The following COBLL1 variants were observed in gnomAD, a reference collection of about 807,000 sequenced individuals.
The protein encoded by COBLL1 is cordon-bleu protein-like 1.
COBLL1 carries 50 observed loss-of-function variants against 94.8 expected under a neutral mutation model. The ratio of observed to expected loss-of-function variants is 0.53; its 90% CI spans 0.42 to 0.67. The LOEUF is 0.67. Among genes scored for constraint, COBLL1 ranks in the 30% least tolerant of loss-of-function variants. The pLI, the probability that COBLL1 is intolerant of heterozygous loss-of-function variation, is 0.00. For missense variants in COBLL1, 1,362 were observed against 1,348.7 expected (o/e 1.01, Z -0.15); for synonymous variants, 448 against 473.8 (o/e 0.95, Z 0.71).
intron 2 of COBLL1, among the ~76,000 whole-genome samples, chr2:164,830,354 G>C (rs1212249336): frequency 6.6e-6 from 1 of 152,130 alleles, no homozygotes; most frequent in Admixed American, 6.5e-5. Context: ...CAACAAAAAA[G>C]AATGGATTTG....
At chr2:164,833,275 G>A (rs1454408143) in intron 2 of COBLL1, among the ~76,000 whole-genome samples, 1 of 151,806 alleles carries the variant, frequency 6.6e-6, no homozygotes, top group South Asian at 2.1e-4. Context: ...GATCACTTCA[G>A]CCCAGAAGGC....
At chr2:164,786,252 G>A (rs1688950394) in intron 2 of COBLL1, among the ~76,000 whole-genome samples, 1 of 152,130 alleles carries the variant, frequency 6.6e-6, no homozygotes, top group African/African-American at 2.4e-5. Flanking sequence ...TAAAGTGCAA[G>A]GCACCTTGCT....
intron 3 of COBLL1, among the ~76,000 whole-genome samples, chr2:164,730,333 TA>T (rs111508553): frequency 1.2e-4 from 17 of 143,676 alleles, no homozygotes; most frequent in East Asian, 4.1e-4. Flanking sequence ...CTACAAAAAA[TA>T]AAAAAAAAAA....
At chr2:164,736,563 T>C (rs1686321647) in intron 3 of COBLL1, among the ~76,000 whole-genome samples, 1 of 152,202 alleles carries the variant, frequency 6.6e-6, no homozygotes, top group South Asian at 2.1e-4. Flanking sequence ...TCTGGTTGTT[T>C]ATCTTAGGTG....
chr2:164,769,850 C>T (rs1011100957), intron 2 of COBLL1, among the ~76,000 whole-genome samples: 4 of 152,142 alleles, frequency 2.6e-5, no homozygotes, highest in Non-Finnish European at 5.9e-5. Flanking sequence ...GAAATAAGTA[C>T]AATTCCTGTA....
At chr2:164,830,845 T>G (rs1184827249) in intron 2 of COBLL1, among the ~76,000 whole-genome samples, 1 of 152,158 alleles carries the variant, frequency 6.6e-6, no homozygotes, top group African/African-American at 2.4e-5. Flanking sequence ...AGAGGAAAAA[T>G]GAGTATATTT....
At chr2:164,688,732 A>T (rs1473476239) in intron 13 of COBLL1, among the ~76,000 whole-genome samples, 1 of 152,178 alleles carries the variant, frequency 6.6e-6, no homozygotes, top group South Asian at 2.1e-4. Context: ...AATTAAAAAA[A>T]CTAATTAAAT....
At chr2:164,704,109 A>G (rs190136227) in intron 9 of COBLL1, among the ~76,000 whole-genome samples, 25 of 152,300 alleles carry the variant, frequency 1.6e-4, no homozygotes, top group Non-Finnish European at 2.6e-4. Context: ...GCACACACCA[A>G]GGTACATTCC....
At chr2:164,810,701 A>G (rs1455160330) in intron 2 of COBLL1, among the ~76,000 whole-genome samples, 1 of 151,832 alleles carries the variant, frequency 6.6e-6, no homozygotes, top group East Asian at 1.9e-4. Context: ...AAGGGAATTC[A>G]GATATCAGAG....
At chr2:164,790,852 A>G (rs561127898) in intron 2 of COBLL1, among the ~76,000 whole-genome samples, 1 of 152,176 alleles carries the variant, frequency 6.6e-6, no homozygotes, top group East Asian at 1.9e-4. Flanking sequence ...AATGCTTTGG[A>G]AGACTCTCCA....
At chr2:164,666,438 A>T (rs561289324) in intron 1 of COBLL1, among the ~76,000 whole-genome samples, 50 of 152,306 alleles carry the variant, frequency 3.3e-4, no homozygotes, top group Admixed American at 1.7e-3. Flanking sequence ...GTCTTGCCTC[A>T]ATGTTGATGG....
intron 1 of COBLL1, among the ~76,000 whole-genome samples, chr2:164,672,833 C>G (rs957169209): frequency 6.6e-6 from 1 of 151,050 alleles, no homozygotes; most frequent in Non-Finnish European, 1.5e-5. Context: ...CTTAGTATTA[C>G]AGATAAAAGA....
At chr2:164,718,712 A>G (rs1041052340) in intron 7 of COBLL1, among the ~76,000 whole-genome samples, 1 of 152,180 alleles carries the variant, frequency 6.6e-6, no homozygotes, top group Non-Finnish European at 1.5e-5. Flanking sequence ...AATTCAGAGA[A>G]GGTAAAGATT....
upstream of COBLL1, chr2:164,841,983 C>T (rs1467815353): frequency 1.9e-6 from 3 of 1,539,784 alleles, no homozygotes; most frequent in East Asian, 2.5e-5. This position sits in a 1 kb window ranked among gnomAD's most constrained non-coding sequence, Gnocchi z 5.5. Flanking sequence ...GCCCGGAGTC[C>T]GGGAGCTCGC....
At chr2:164,836,461 TA>T (rs1403278474) in intron 2 of COBLL1, among the ~76,000 whole-genome samples, 7 of 152,204 alleles carry the variant, frequency 4.6e-5, no homozygotes, top group Non-Finnish European at 8.8e-5. Flanking sequence ...CCATTCAGTA[TA>T]ATCCATGGTA....
At position 164,805,327 on chromosome 2, in the gene COBLL1, CTCTCTCTCTCTATATATATATATA is replaced by C. The variant is rs1170128933; in HGVS notation, c.41+35805_41+35828del. Among the ~76,000 whole-genome samples the C allele has an allele frequency of 4.6e-3, 121 of 26,484 alleles. 11 individuals are homozygous for C. The highest frequency in any genetic ancestry group is 0.017 in the African/African-American group (114 of 6,836). The allele number at this position is 26,484 out of a possible 152,430, so 17.4% of individuals were successfully genotyped here. A position where few individuals can be genotyped will look rare whatever the true frequency, so the allele number is the denominator to read the frequency against. ...TCTCTCTCTCTCTCTCTCTCTCTCT[CTCTCTCTCTCTATATATATATATA>C]TATATATATATAAAACTAAAGTTCA... On this transcript the variant is annotated intron_variant, in intron 2 of 13. Coordinates refer to ENST00000652658, the MANE Select transcript of COBLL1 (RefSeq NM_001365672.2).
downstream of COBLL1, among the ~76,000 whole-genome samples, chr2:164,679,508 G>A (rs1359463536): frequency 2.6e-5 from 4 of 151,958 alleles, no homozygotes; most frequent in Non-Finnish European, 5.9e-5. Flanking sequence ...GAAAAAAATG[G>A]GGCCATGGTA....
At position 164,695,742 on chromosome 2, in the gene COBLL1, G is replaced by A. The variant is rs1683909341; in HGVS notation, c.1650C>T (p.Ala550=). The stretch of plus-strand genomic sequence containing the variant: ...CTTCCATATCAATGTTGTTATTTTT[G>A]GCAACACCTTCTACATTGATTTCTG... ...KKTEINVEGV[A]KNNNIDMEVE... is the part of the protein sequence containing the mutation. Residue 550 remains alanine, a synonymous_variant, in exon 12 of 14, where the codon GCC becomes GCT. Transcript: ENST00000652658. 2.5e-6 allele frequency: 4 copies of A among 1,613,348 alleles called. No individual in the cohort carries two copies. Among genetic ancestry groups the A allele is most frequent in the Non-Finnish European group, 3.4e-6 (4 of 1,179,712 alleles).
intron 2 of COBLL1, among the ~76,000 whole-genome samples, chr2:164,836,333 G>A (rs1199815973): frequency 3.3e-5 from 5 of 152,044 alleles, no homozygotes; most frequent in Non-Finnish European, 7.4e-5. Flanking sequence ...CCTTTTAAAT[G>A]CTAGACATTT....
Sources: allele counts gnomAD v4.1 joint callset (sites outside exome capture counted in the v4.1 genomes callset), GRCh38; gene constraint gnomAD v4.1.1; non-coding constraint Gnocchi (gnomAD v3.1); transcripts MANE v1.5; gene names NCBI Gene and HGNC (gene_info 2026-07-23, HGNC 2026-07-21).